Variants in SYTL1 observed in about 807,000 individuals in gnomAD.
SYTL1 encodes synaptotagmin like 1, also known as synaptotagmin-like protein 1.
A neutral mutation model predicts 74.6 loss-of-function variants in SYTL1; 53 were observed. The observed-to-expected ratio is 0.71, with a 90% CI of 0.57 to 0.89. The LOEUF (loss-of-function observed/expected upper bound fraction) is 0.89, where lower values mean the gene tolerates loss of function less well. Among genes scored for constraint, SYTL1 ranks in the 40% least tolerant of loss-of-function variants. The probability of loss-of-function intolerance (pLI) is 0.00; values close to 1 mark genes in which losing one functional copy is unlikely to be tolerated. For missense variants in SYTL1, 728 were observed against 768.7 expected (o/e 0.95, Z 0.63); for synonymous variants, 329 against 324.9 (o/e 1.01, Z -0.14).
In SYTL1 at chr1:27,351,472, G is replaced by T; in HGVS notation, c.1260G>T (p.Pro420=). ...PAGSEGAGLP[P]SGELHFWVKE... Reference sequence around the variant, plus strand: ...TCTCCGCAGGCGCAGGACTGCCCCCGAGCGGGGAGCTGCACTTCTGGGTGA... The same window carrying T: ...TCTCCGCAGGCGCAGGACTGCCCCCTAGCGGGGAGCTGCACTTCTGGGTGA... The change falls in exon 13 of 15, where the codon CCG becomes CCT. Residue 420 remains proline, a synonymous_variant. Coordinates refer to ENST00000616558, the MANE Select transcript of SYTL1 (RefSeq NM_001193308.2). The surrounding 1 kb of genome is among the most constrained non-coding windows in gnomAD (Gnocchi z 5.0). 1 of 1,544,664 alleles carries T rather than the reference G, an allele frequency of 6.5e-7. No individual in the cohort carries two copies. The highest frequency in any genetic ancestry group is 8.7e-7 in the Non-Finnish European group (1 of 1,144,164).
rs2014942247 is a variant in SYTL1 at position 27,345,161 on chromosome 1, C to T, written c.-38-136C>T. 12 of 527,844 alleles carry T rather than the reference C, an allele frequency of 2.3e-5. No homozygotes were observed. In the South Asian group the frequency reaches 3.2e-4, roughly 14 times the overall value. 32.7% of individuals were successfully genotyped at this position (527,844 alleles called of 1,614,324 possible). ...GCATGTGTGCATGAGTGTCTCTCAC[C>T]CCACCTTGAGCTCAGCCATCCTGGG... On this transcript the variant is annotated intron_variant, in intron 1 of 14. Coordinates refer to ENST00000616558, the MANE Select transcript of SYTL1 (RefSeq NM_001193308.2). The surrounding 1 kb of genome is among the most constrained non-coding windows in gnomAD (Gnocchi z 6.0).
At chr1:27,353,639 G>A (rs1348325401) in intron 14 of SYTL1, 74 bp from the exon 15 acceptor site, 5 of 1,575,038 alleles carry the variant, frequency 3.2e-6, no homozygotes, top group Middle Eastern at 2.2e-4. Flanking sequence ...CATAATCTGG[G>A]ACCAGGCAGG....
At position 27,345,230 on chromosome 1, in the gene SYTL1, G is replaced by T. The variant is rs940181604; in HGVS notation, c.-38-67G>T. The T allele has an allele frequency of 5.4e-5, 47 of 864,806 alleles. No homozygotes were observed. Among genetic ancestry groups the T allele is most frequent in the Non-Finnish European group, 7.7e-5 (46 of 594,920 alleles). 53.6% of individuals were successfully genotyped at this position (864,806 alleles called of 1,614,324 possible). On this transcript the variant is annotated intron_variant, in intron 1 of 14. Transcript: ENST00000616558. The surrounding 1 kb of genome is among the most constrained non-coding windows in gnomAD (Gnocchi z 6.0). ...CCGGCCAAGTGTTTGGGGAGAAAAGGGCTGTTGGTTCTAGGATGTGCCAAG... is the reference window on the plus strand; with the variant it reads ...CCGGCCAAGTGTTTGGGGAGAAAAGTGCTGTTGGTTCTAGGATGTGCCAAG...
intron 13 of SYTL1, chr1:27,352,501 A>G (rs1341335952): frequency 6.6e-6 from 1 of 151,456 alleles, no homozygotes; most frequent in African/African-American, 2.4e-5. Context: ...TATTATTATT[A>G]TTTTTGAGAC....
rs1329966631 is a variant in SYTL1, at chr1:27,347,544, T to C, written c.315T>C (p.Ser105=). 6.2e-7 allele frequency: 1 copy of C among 1,614,024 alleles called. No individual in the cohort carries two copies. The highest frequency in any genetic ancestry group is 1.7e-5 in the Admixed American group (1 of 60,020). The stretch of plus-strand genomic sequence containing the variant: ...TCGGCTCTGACCTTGTCCGAGCGTC[T>C]ATGCGCAGGAAGAAGAGCACCAGGG... ...AHFGSDLVRA[S]MRRKKSTRGD... The change falls in exon 3 of 15, where the codon TCT becomes TCC. Residue 105 remains serine, a synonymous_variant. Coordinates refer to ENST00000616558, the MANE Select transcript of SYTL1 (RefSeq NM_001193308.2). This position sits in a 1 kb window ranked among gnomAD's most constrained non-coding sequence, Gnocchi z 4.9.
chr1:27,350,298 C>T lies in SYTL1; in HGVS notation c.909-91C>T, dbSNP rs781647824. On this transcript the variant is annotated intron_variant, in intron 9 of 14. Transcript: ENST00000616558. This position sits in a 1 kb window ranked among gnomAD's most constrained non-coding sequence, Gnocchi z 6.3. Reference sequence around the variant, plus strand: ...GTAAAGCGCTTAGCACGAGGCCTGGCACGTGTTCGGGATGGTGGCTGGGGG... The same window carrying T: ...GTAAAGCGCTTAGCACGAGGCCTGGTACGTGTTCGGGATGGTGGCTGGGGG... 2.7e-6 allele frequency: 4 copies of T among 1,488,570 alleles called. No individual in the cohort carries two copies. The East Asian group carries it at 9.0e-5, about 34-fold the overall frequency. The allele number at this position is 1,488,570 out of a possible 1,614,324, so 92.2% of individuals were successfully genotyped here. A position where few individuals can be genotyped will look rare whatever the true frequency, so the allele number is the denominator to read the frequency against.
rs2015095980 is a variant in SYTL1, at chr1:27,348,448, G to A, written c.459+436G>A. On this transcript the variant is annotated intron_variant, in intron 5 of 14. Coordinates refer to ENST00000616558, the MANE Select transcript of SYTL1 (RefSeq NM_001193308.2). The surrounding 1 kb of genome is among the most constrained non-coding windows in gnomAD (Gnocchi z 4.1). Reference sequence around the variant, plus strand: ...TAAAAAAAAAAGGCCGGTCGTGGCAGCTCACGCCTATAATCCCAGCACTTT... The same window carrying A: ...TAAAAAAAAAAGGCCGGTCGTGGCAACTCACGCCTATAATCCCAGCACTTT... Among the ~76,000 whole-genome samples the A allele has an allele frequency of 6.6e-6, 1 of 151,956 alleles. No individual in the cohort carries two copies.
chr1:27,351,756 G>T lies in SYTL1; in HGVS notation c.1343+201G>T. The T allele has an allele frequency of 2.0e-6, 1 of 511,436 alleles. No homozygotes were observed. Among genetic ancestry groups the T allele is most frequent in the Non-Finnish European group, 3.4e-6 (1 of 291,908 alleles). The allele number at this position is 511,436 out of a possible 1,614,324, so 31.7% of individuals were successfully genotyped here. A position where few individuals can be genotyped will look rare whatever the true frequency, so the allele number is the denominator to read the frequency against. On this transcript the variant is annotated intron_variant, in intron 13 of 14. Transcript: ENST00000616558. The surrounding 1 kb of genome is among the most constrained non-coding windows in gnomAD (Gnocchi z 5.0). ...TGAGGAGCTGCATTTCAGCGTGACT[G>T]GCGCCTATAGGACTTGTTGAAAAGC...
At chr1:27,349,347 C>T in intron 6 of SYTL1, 51 bp from the exon 7 acceptor site, 2 of 1,447,328 alleles carry the variant, frequency 1.4e-6, no homozygotes, top group Non-Finnish European at 1.8e-6. Flanking sequence ...TACAAATTTG[C>T]TTAGGGGAGG....
Position 27,349,512 on chromosome 1 carries a change from G to A in SYTL1, c.633+14G>A, listed in dbSNP as rs759633952. On this transcript the variant is annotated intron_variant, in intron 7 of 14. Coordinates refer to ENST00000616558, the MANE Select transcript of SYTL1 (RefSeq NM_001193308.2). Reference sequence around the variant, plus strand: ...CAGCAAGCCCAGGTAGGCGGGAGTGGCCCGTGGCTGCTCTCAACATCCGGA... The same window carrying A: ...CAGCAAGCCCAGGTAGGCGGGAGTGACCCGTGGCTGCTCTCAACATCCGGA... 2.1e-5 allele frequency: 30 copies of A among 1,458,546 alleles called. No individual in the cohort carries two copies. Among genetic ancestry groups the A allele is most frequent in the Non-Finnish European group, 2.4e-5 (26 of 1,104,498 alleles). The allele number at this position is 1,458,546 out of a possible 1,614,324, so 90.4% of individuals were successfully genotyped here.
chr1:27,351,001 A>C lies in SYTL1; in HGVS notation c.1164+49A>C, dbSNP rs750200369. The C allele has an allele frequency of 1.2e-6, 2 of 1,602,634 alleles. No individual in the cohort carries two copies. Among genetic ancestry groups the C allele is most frequent in the Non-Finnish European group, 1.7e-6 (2 of 1,174,104 alleles). On this transcript the variant is annotated intron_variant, in intron 11 of 14. Transcript: ENST00000616558. The surrounding 1 kb of genome is among the most constrained non-coding windows in gnomAD (Gnocchi z 5.0). ...GAGACCTGCGGCCCGGGTCTCCTGC[A>C]TTTACCCCACCAGGCTCTCCCGCAG... is the stretch of plus-strand genomic sequence containing the variant.
intron 14 of SYTL1, 94 bp from the exon 15 acceptor site, chr1:27,353,619 G>T: frequency 6.4e-7 from 1 of 1,559,566 alleles, no homozygotes; most frequent in East Asian, 2.3e-5. Context: ...GGTGGTAACG[G>T]GGGACAGTGC....
In SYTL1 at chr1:27,344,896, A is replaced by G. The variant is rs539775355; in HGVS notation, c.-38-401A>G. On this transcript the variant is annotated intron_variant, in intron 1 of 14. Transcript: ENST00000616558. ...ATGTGTGTGCATGTCTCTCGTGGGC[A>G]TGGGTCCGGGTCTGTGTCTGCAGAG... 9 of 149,412 alleles carry G rather than the reference A, an allele frequency of 6.0e-5. No individual in the cohort carries two copies. The South Asian group carries it at 1.7e-3, about 29-fold the overall frequency. 9.3% of individuals were successfully genotyped at this position (149,412 alleles called of 1,614,324 possible).
intron 6 of SYTL1, 82 bp from the exon 7 acceptor site, chr1:27,349,316 C>T (rs1426960639): frequency 1.4e-6 from 2 of 1,453,656 alleles, no homozygotes; most frequent in African/African-American, 2.9e-5. Context: ...CTGCAGCTCG[C>T]TGGGGTTGTA....
In SYTL1 at chr1:27,342,474, C is replaced by A; in HGVS notation, c.-39+324C>A. The A allele has an allele frequency of 3.4e-6, 1 of 298,154 alleles. No individual in the cohort carries two copies. The highest frequency in any genetic ancestry group is 5.0e-6 in the Non-Finnish European group (1 of 201,538). 18.5% of individuals were successfully genotyped at this position (298,154 alleles called of 1,614,324 possible). On this transcript the variant is annotated intron_variant, in intron 1 of 14. Transcript: ENST00000616558. This position sits in a 1 kb window ranked among gnomAD's most constrained non-coding sequence, Gnocchi z 4.7. ...GCCCAGCTCAGGCAGGCCTGAAGGA[C>A]AGAAATAGGCTCAGTTCTGCCGAAC...
At chr1:27,349,888 C>G in intron 8 of SYTL1, 84 bp from the exon 9 acceptor site, 1 of 1,538,720 alleles carries the variant, frequency 6.5e-7, no homozygotes, top group Non-Finnish European at 8.7e-7. Context: ...CCACCTATGA[C>G]CCGGGTCTGA....
chr1:27,350,740 G>C lies in SYTL1; in HGVS notation c.1006-54G>C. On this transcript the variant is annotated intron_variant, in intron 10 of 14. Transcript: ENST00000616558. The surrounding 1 kb of genome is among the most constrained non-coding windows in gnomAD (Gnocchi z 6.3). ...GGACCTGCCTCAGCCAACTCGCGCA[G>C]CATCTACGCGGGCCACCAGCAGTGC... The C allele has an allele frequency of 1.3e-6, 2 of 1,591,644 alleles. No individual in the cohort carries two copies. Among genetic ancestry groups the C allele is most frequent in the Non-Finnish European group, 8.6e-7 (1 of 1,164,828 alleles).
rs575352247 is a variant in SYTL1, at chr1:27,344,248, C to A, written c.-38-1049C>A. On this transcript the variant is annotated intron_variant, in intron 1 of 14. Transcript: ENST00000616558. ...CCTCCCGAGTAGCTGGGATTAAAGGCATGCACCACCATGCCCGGCTAATTT... is the reference window on the plus strand; with the variant it reads ...CCTCCCGAGTAGCTGGGATTAAAGGAATGCACCACCATGCCCGGCTAATTT... Among the ~76,000 whole-genome samples the A allele has an allele frequency of 3.3e-5, 5 of 152,206 alleles. No individual in the cohort carries two copies. The East Asian group carries it at 9.7e-4, about 30-fold the overall frequency.
chr1:27,352,259 C>G (rs1282169237), intron 13 of SYTL1: 2 of 151,634 alleles, frequency 1.3e-5, no homozygotes, highest in Non-Finnish European at 2.9e-5. Context: ...GAGAATCACT[C>G]GAACCCAGAA....
Sources: gnomAD v4.1 joint callset for allele counts (sites outside exome capture counted in the v4.1 genomes callset) on GRCh38, gnomAD v4.1.1 for gene constraint, Gnocchi (gnomAD v3.1) non-coding constraint, MANE v1.5 for transcripts, NCBI Gene and HGNC (gene_info 2026-07-23, HGNC 2026-07-21) for gene names.